The following ATP8A2 variants were observed in gnomAD, a reference collection of about 807,000 sequenced individuals.
ATP8A2 encodes phospholipid-transporting ATPase IB.
Under a neutral mutation model 165.6 loss-of-function variants are expected in ATP8A2, and 100 were observed. That is an observed-to-expected ratio of 0.60 (90% confidence interval 0.51 to 0.71). The LOEUF (loss-of-function observed/expected upper bound fraction) is 0.71, where lower values mean the gene tolerates loss of function less well. Ranked by LOEUF, ATP8A2 falls within the 30% of genes least tolerant of loss-of-function variation. The pLI is 0.00. For synonymous variants in ATP8A2, 543 were observed against 548.8 expected (o/e 0.99, Z 0.15); for missense variants, 1,227 against 1,479.5 (o/e 0.83, Z 2.80).
At chr13:25,829,668 G>GTATGTATGTATATATATATA (rs1951406164) in intron 28 of ATP8A2, among the ~76,000 whole-genome samples, 1 of 63,422 alleles carries the variant, frequency 1.6e-5, no homozygotes, top group African/African-American at 6.2e-5. Flanking sequence ...GACAGGTGTG[G>GTATGTATGTATATATATATA]TATATATATA....
At chr13:25,888,068 A>C (rs920851165) in intron 33 of ATP8A2, among the ~76,000 whole-genome samples, 1,643 of 105,278 alleles carry the variant, frequency 0.016, no homozygotes, top group Middle Eastern at 0.028. Context: ...AAGAACCCAG[A>C]CCCCCCCCCC....
chr13:25,412,380 T>C (rs1160219375), intron 1 of ATP8A2, among the ~76,000 whole-genome samples: 2 of 152,204 alleles, frequency 1.3e-5, no homozygotes, highest in African/African-American at 2.4e-5. Context: ...GACTGGAGGC[T>C]AAAGGGATTT....
intron 26 of ATP8A2, among the ~76,000 whole-genome samples, chr13:25,773,659 A>G (rs2044676159): frequency 6.6e-6 from 1 of 152,148 alleles, no homozygotes; most frequent in African/African-American, 2.4e-5. Flanking sequence ...AAAAAAGGAG[A>G]AGACAAAATG....
At chr13:25,593,962 C>T (rs1230138552) in intron 24 of ATP8A2, among the ~76,000 whole-genome samples, 1 of 152,206 alleles carries the variant, frequency 6.6e-6, no homozygotes, top group Non-Finnish European at 1.5e-5. Flanking sequence ...CTCTTCTCAG[C>T]TACTTGATAG....
chr13:25,555,303 A>G (rs1185537179), intron 13 of ATP8A2, among the ~76,000 whole-genome samples: 1 of 152,202 alleles, frequency 6.6e-6, no homozygotes, highest in Non-Finnish European at 1.5e-5. Context: ...CAGAAAAAAA[A>G]AAGAAGTAAT....
chr13:25,483,016 G>A (rs999967360), intron 2 of ATP8A2, among the ~76,000 whole-genome samples: 1 of 152,214 alleles, frequency 6.6e-6, no homozygotes, highest in African/African-American at 2.4e-5. Context: ...TACTGGAGAC[G>A]GGCTGCTATA....
chr13:25,761,047 T>C (rs1446637194), intron 25 of ATP8A2, among the ~76,000 whole-genome samples: 1 of 152,196 alleles, frequency 6.6e-6, no homozygotes, highest in Non-Finnish European at 1.5e-5. Flanking sequence ...TGCCTGCCTC[T>C]CCCCTCACCT....
intron 27 of ATP8A2, among the ~76,000 whole-genome samples, chr13:25,780,767 A>G (rs1052298370): frequency 6.6e-6 from 1 of 151,732 alleles, no homozygotes; most frequent in African/African-American, 2.4e-5. Flanking sequence ...GTGTTTTACA[A>G]TAGGGTTCAT....
intron 33 of ATP8A2, among the ~76,000 whole-genome samples, chr13:25,905,699 C>T (rs1566256846): frequency 6.6e-6 from 1 of 152,216 alleles, no homozygotes; most frequent in Non-Finnish European, 1.5e-5. Context: ...CCTGTCTCTG[C>T]CCTGGTTCTC....
chr13:25,862,474 G>C, intron 33 of ATP8A2, 66 bp downstream of exon 33: 1 of 1,245,324 alleles, frequency 8.0e-7, no homozygotes, highest in Non-Finnish European at 1.2e-6. Context: ...CCATGGGCGG[G>C]TGAGCAGGCA....
intron 22 of ATP8A2, among the ~76,000 whole-genome samples, chr13:25,581,423 A>T (rs2039774354): frequency 6.6e-6 from 1 of 152,184 alleles, no homozygotes; most frequent in South Asian, 2.1e-4. Context: ...CTATTTTGCC[A>T]GGTAAGTGTA....
intron 25 of ATP8A2, among the ~76,000 whole-genome samples, chr13:25,753,523 C>A (rs1202867044): frequency 6.6e-6 from 1 of 152,228 alleles, no homozygotes; most frequent in African/African-American, 2.4e-5. Flanking sequence ...CTCTGAGTGC[C>A]AGCTCCATGC....
chr13:25,791,401 G>T (rs2045168655), intron 27 of ATP8A2, among the ~76,000 whole-genome samples: 1 of 152,084 alleles, frequency 6.6e-6, no homozygotes, highest in South Asian at 2.1e-4. Context: ...GATGGGAGTA[G>T]GGAGAGGATC....
chr13:25,594,984 G>GTATATATATATATATATATA (rs58403530), intron 24 of ATP8A2, among the ~76,000 whole-genome samples: 3 of 142,818 alleles, frequency 2.1e-5, no homozygotes, highest in African/African-American at 5.2e-5. Context: ...GTGTGTGTGT[G>GTATATATATATATATATATA]TATATATATA....
intron 10 of ATP8A2, among the ~76,000 whole-genome samples, chr13:25,546,994 G>T (rs1009553037): frequency 6.6e-6 from 1 of 152,040 alleles, no homozygotes; most frequent in Non-Finnish European, 1.5e-5. Flanking sequence ...GCTGGGCATG[G>T]TGGTGCATGC....
intron 33 of ATP8A2, among the ~76,000 whole-genome samples, chr13:25,940,077 C>A (rs3783130): frequency 0.41 from 62,814 of 151,916 alleles, 14,106 homozygotes; most frequent in African/African-American, 0.61. Flanking sequence ...AGGGCTGTGG[C>A]TCCTGCCCTC....
At chr13:25,990,410 G>A (rs953067046) in intron 35 of ATP8A2, among the ~76,000 whole-genome samples, 1 of 152,156 alleles carries the variant, frequency 6.6e-6, no homozygotes, top group Admixed American at 6.5e-5. Context: ...ATGAGGGGAG[G>A]GTTTCTGGGA....
chr13:26,019,969 A>T lies in ATP8A2; in HGVS notation c.3551A>T (p.Lys1184Ile), dbSNP rs762410770. Residue 1184 changes from lysine (K) to isoleucine (I), a missense_variant, in exon 37 of 37, where the codon AAA becomes ATA. By Grantham distance (102) the Lys-to-Ile change is moderately radical. Coordinates refer to ENST00000381655, the MANE Select transcript of ATP8A2 (RefSeq NM_016529.6). ...VIRAYDTTKK[K>I]SRKK The stretch of plus-strand genomic sequence containing the variant: ...CGTGCTTATGACACCACCAAAAAGA[A>T]ATCCAGGAAGAAATAAGACATGAAT... 61 of 1,612,334 alleles carry T rather than the reference A, an allele frequency of 3.8e-5. No homozygotes were observed. The highest frequency in any genetic ancestry group is 5.0e-5 in the Non-Finnish European group (59 of 1,178,452).
intron 24 of ATP8A2, among the ~76,000 whole-genome samples, chr13:25,625,772 G>C (rs1051298287): frequency 2.6e-5 from 4 of 152,070 alleles, no homozygotes; most frequent in African/African-American, 9.7e-5. Context: ...ATTTACTTAT[G>C]AACCAAAAGG....
Sources: gnomAD v4.1 joint callset for allele counts (sites outside exome capture counted in the v4.1 genomes callset) on GRCh38, gnomAD v4.1.1 for gene constraint, MANE v1.5 for transcripts, NCBI Gene and HGNC (gene_info 2026-07-23, HGNC 2026-07-21) for gene names.